The following HIP1 variants were observed in gnomAD, a reference collection of about 807,000 sequenced individuals.
The protein encoded by HIP1 is huntingtin interacting protein 1, also known as huntingtin-interacting protein 1.
A neutral mutation model predicts 147.6 loss-of-function variants in HIP1; 65 were observed. That is an observed-to-expected ratio of 0.44 (90% CI 0.36 to 0.54). The LOEUF (loss-of-function observed/expected upper bound fraction) is 0.54, where lower values mean the gene tolerates loss of function less well. HIP1 is among the 20% of genes least tolerant of loss of function. The probability of loss-of-function intolerance (pLI) is 0.00; values close to 1 mark genes in which losing one functional copy is unlikely to be tolerated. For missense variants in HIP1, 1,061 were observed against 1,299.6 expected (o/e 0.82, Z 2.82); for synonymous variants, 479 against 504.0 (o/e 0.95, Z 0.67).
intron 1 of HIP1, among the ~76,000 whole-genome samples, chr7:75,728,255 T>A (rs1801715962): frequency 6.6e-6 from 1 of 152,182 alleles, no homozygotes; most frequent in African/African-American, 2.4e-5. Flanking sequence ...AAAGATGCCA[T>A]TCTCTCTTCC....
chr7:75,555,459 G>C lies in HIP1; in HGVS notation c.1920C>G (p.Asn640Lys). 2 of 1,614,136 alleles carry C rather than the reference G, an allele frequency of 1.2e-6. No individual in the cohort carries two copies. The highest frequency in any genetic ancestry group is 1.7e-6 in the Non-Finnish European group (2 of 1,180,036). Residue 640 changes from asparagine (N) to lysine (K), a missense_variant, in exon 19 of 31, where the codon AAC (asparagine) becomes AAG (lysine). By Grantham distance (94) the Asn-to-Lys change is moderately conservative. Coordinates refer to ENST00000336926, the MANE Select transcript of HIP1 (RefSeq NM_005338.7). ...AAEQVIQDAL[N>K]QLEEPPLISC... ...TGATGAGAGGAGGTTCTTCAAGCTG[G>C]TTCAGGGCGTCTTGTATCACCTGCT...
chr7:75,664,412 A>G (rs1799480011), intron 1 of HIP1, among the ~76,000 whole-genome samples: 1 of 143,498 alleles, frequency 7.0e-6, no homozygotes, highest in South Asian at 2.2e-4. Context: ...ATATATACAC[A>G]TACATATGTG....
At chr7:75,731,126 T>C (rs1801824455) in intron 1 of HIP1, among the ~76,000 whole-genome samples, 1 of 152,060 alleles carries the variant, frequency 6.6e-6, no homozygotes, top group African/African-American at 2.4e-5. Flanking sequence ...AACTTCCTTC[T>C]TAAGTTTTCA....
chr7:75,569,416 C>T (rs1365767367), intron 8 of HIP1, among the ~76,000 whole-genome samples: 1 of 151,974 alleles, frequency 6.6e-6, no homozygotes, highest in African/African-American at 2.4e-5. Flanking sequence ...CCAGCCTGGG[C>T]AACATAGTGA....
intron 1 of HIP1, among the ~76,000 whole-genome samples, chr7:75,708,150 T>C (rs1801057841): frequency 6.6e-6 from 1 of 152,210 alleles, no homozygotes; most frequent in South Asian, 2.1e-4. Context: ...AACTACCATA[T>C]ATCTTCTTTA....
intron 23 of HIP1, among the ~76,000 whole-genome samples, chr7:75,548,149 C>T (rs1794643127): frequency 6.6e-6 from 1 of 152,156 alleles, no homozygotes; most frequent in South Asian, 2.1e-4. Context: ...CTGCCTCAGC[C>T]TTCTGAGTGG....
chr7:75,652,426 C>T (rs1042740380), intron 1 of HIP1, among the ~76,000 whole-genome samples: 3 of 151,782 alleles, frequency 2.0e-5, no homozygotes, highest in Non-Finnish European at 2.9e-5. Context: ...TGCAGTGGTG[C>T]GATTATAACT....
chr7:75,623,027 G>A (rs1383230526), intron 1 of HIP1, among the ~76,000 whole-genome samples: 1 of 151,430 alleles, frequency 6.6e-6, no homozygotes, highest in Non-Finnish European at 1.5e-5. Flanking sequence ...GTGAAAGCCT[G>A]TCTCTAATAA....
chr7:75,635,447 G>A (rs4731232), intron 1 of HIP1, among the ~76,000 whole-genome samples: 28,281 of 151,902 alleles, frequency 0.19, 3,021 homozygotes, highest in Non-Finnish European at 0.25. Context: ...GCATGGTGGC[G>A]GGCGCCTGTA....
At chr7:75,736,236 G>A (rs577841416) in intron 1 of HIP1, among the ~76,000 whole-genome samples, 10 of 147,842 alleles carry the variant, frequency 6.8e-5, no homozygotes, top group Middle Eastern at 6.8e-3. Flanking sequence ...CTGTTGGGCC[G>A]TCCCTGGATA....
chr7:75,589,164 A>G (rs587769007), intron 4 of HIP1, among the ~76,000 whole-genome samples: 1 of 151,082 alleles, frequency 6.6e-6, no homozygotes, highest in Non-Finnish European at 1.5e-5. Flanking sequence ...AAAAAAAAAA[A>G]GAAGAAGAAG....
chr7:75,609,507 T>G (rs1797347560), intron 1 of HIP1, among the ~76,000 whole-genome samples: 1 of 151,884 alleles, frequency 6.6e-6, no homozygotes. Context: ...TCTTTCTACT[T>G]TCCAAACCCT....
chr7:75,598,414 A>C (rs1212252063), intron 2 of HIP1, among the ~76,000 whole-genome samples: 1 of 148,116 alleles, frequency 6.8e-6, no homozygotes, highest in East Asian at 2.0e-4. Context: ...AAAAAAAAAA[A>C]AAACTCTCTT....
Position 75,534,466 on chromosome 7 carries a change from C to T in HIP1, c.*3706G>A, listed in dbSNP as rs1478201808. 3 of 179,356 alleles carry T rather than the reference C, an allele frequency of 1.7e-5. No individual in the cohort carries two copies. The highest frequency in any genetic ancestry group is 3.6e-5 in the Non-Finnish European group (3 of 84,322). 11.1% of individuals were successfully genotyped at this position (179,356 alleles called of 1,614,324 possible). A position where few individuals can be genotyped will look rare whatever the true frequency, so the allele number is the denominator to read the frequency against. Reference sequence around the variant, plus strand: ...TTTTTTTTTTTGAGATGGAGTCTCACTCTGTGACCCAGGCTGGAGTGCAGT... The same window carrying T: ...TTTTTTTTTTTGAGATGGAGTCTCATTCTGTGACCCAGGCTGGAGTGCAGT... On this transcript the variant is annotated 3_prime_UTR_variant, in exon 31 of 31. Coordinates refer to ENST00000336926, the MANE Select transcript of HIP1 (RefSeq NM_005338.7).
At chr7:75,653,687 T>C (rs546367039) in intron 1 of HIP1, among the ~76,000 whole-genome samples, 2 of 151,676 alleles carry the variant, frequency 1.3e-5, no homozygotes, top group East Asian at 2.0e-4. Context: ...GGTAAAACAC[T>C]ATCTCTACTA....
chr7:75,563,190 C>G lies in HIP1; in HGVS notation c.877G>C (p.Glu293Gln), dbSNP rs782503420. 2 of 1,614,208 alleles carry G rather than the reference C, an allele frequency of 1.2e-6. No homozygotes were observed. Among genetic ancestry groups the G allele is most frequent in the South Asian group, 2.2e-5 (2 of 91,090 alleles). The change falls in exon 10 of 31, where the codon GAG becomes CAG. Residue 293 changes from glutamate to glutamine, a missense_variant and splice_region_variant. By Grantham distance (29) the Glu-to-Gln change is conservative. Transcript: ENST00000336926. ...GGTGTGTGGTTGGGCATGCTTACCT[C>G]AGGCAGCTGGGGGATCTGAATGAGC... The part of the protein sequence containing the change: ...KRLIQIPQLP[E>Q]NPPNFLRASA...
intron 16 of HIP1, among the ~76,000 whole-genome samples, 161 bp from the exon 17 acceptor site, chr7:75,556,972 G>A (rs1554493518): frequency 6.6e-6 from 1 of 152,112 alleles, no homozygotes; most frequent in Non-Finnish European, 1.5e-5. Context: ...GAGGAGGCAA[G>A]ACCCCAGAGT....
intron 1 of HIP1, among the ~76,000 whole-genome samples, chr7:75,665,960 G>A (rs1398824035): frequency 6.6e-6 from 1 of 152,054 alleles, no homozygotes; most frequent in Admixed American, 6.6e-5. Flanking sequence ...CAACTGGGCA[G>A]GCCTGTATGT....
intron 1 of HIP1, among the ~76,000 whole-genome samples, chr7:75,664,035 T>TACAC (rs1563278486): frequency 1.5e-4 from 11 of 73,410 alleles, no homozygotes; most frequent in Non-Finnish European, 2.6e-4. Flanking sequence ...TGTGTATATA[T>TACAC]ATACACATAT....
Sources: gnomAD v4.1 joint callset for allele counts (sites outside exome capture counted in the v4.1 genomes callset) on GRCh38, gnomAD v4.1.1 for gene constraint, MANE v1.5 for transcripts, NCBI Gene and HGNC (gene_info 2026-07-23, HGNC 2026-07-21) for gene names.